Variants in NFIA observed in about 807,000 individuals in gnomAD.
NFIA encodes the protein nuclear factor 1 A-type.
Under a neutral mutation model 62.8 loss-of-function variants are expected in NFIA, and 8 were observed. The observed-to-expected ratio is 0.13, with a 90% confidence interval of 0.07 to 0.23. The LOEUF (loss-of-function observed/expected upper bound fraction) is 0.23. Ranked by LOEUF, NFIA falls within the 10% of genes least tolerant of loss-of-function variation. The pLI, the probability that NFIA is intolerant of heterozygous loss-of-function variation, is 1.00. For missense variants in NFIA, 410 were observed against 642.1 expected (o/e 0.64, Z 3.91); for synonymous variants, 235 against 238.1 (o/e 0.99, Z 0.12).
At chr1:61,205,585 C>T (rs1353019211) in intron 2 of NFIA, among the ~76,000 whole-genome samples, 1 of 152,114 alleles carries the variant, frequency 6.6e-6, no homozygotes, top group African/African-American at 2.4e-5. Context: ...TGGCGATGAT[C>T]TTGAGCAGTA....
chr1:61,264,381 C>T lies in NFIA; in HGVS notation c.560-13139C>T, dbSNP rs575771391. On this transcript the variant is annotated intron_variant, in intron 2 of 10. Transcript: ENST00000403491. ...GAATTTGACTGAGCGTGGTGACTCA[C>T]GCCTATAATCCCAGCGCTTCAGGAG... Among the ~76,000 whole-genome samples the T allele has an allele frequency of 1.4e-3, 206 of 152,174 alleles. 1 individual carries two copies. Among genetic ancestry groups the T allele is most frequent in the African/African-American group, 4.4e-3 (182 of 41,518 alleles).
At chr1:61,416,719 C>G (rs1277315127) in intron 9 of NFIA, among the ~76,000 whole-genome samples, 1 of 151,896 alleles carries the variant, frequency 6.6e-6, no homozygotes, top group East Asian at 1.9e-4. Context: ...TATGCATTAC[C>G]TTAGTTGCAT....
At chr1:61,213,643 G>T (rs2100606699) in intron 2 of NFIA, among the ~76,000 whole-genome samples, 1 of 152,262 alleles carries the variant, frequency 6.6e-6, no homozygotes. Context: ...TGTATGCAGA[G>T]TATTTATGAT....
intron 7 of NFIA, 165 bp from the exon 8 acceptor site, chr1:61,403,939 C>G: frequency 1.4e-6 from 1 of 714,546 alleles, no homozygotes; most frequent in South Asian, 2.2e-5. Flanking sequence ...TGTCTTAGAG[C>G]CTTAAGGAAG....
intron 9 of NFIA, among the ~76,000 whole-genome samples, chr1:61,412,950 T>C (rs779666649): frequency 6.6e-6 from 1 of 152,072 alleles, no homozygotes; most frequent in Non-Finnish European, 1.5e-5. Flanking sequence ...AAATGGACTT[T>C]TCCAGAAAAA....
At chr1:61,297,452 C>T (rs1343172192) in intron 3 of NFIA, among the ~76,000 whole-genome samples, 1 of 152,160 alleles carries the variant, frequency 6.6e-6, no homozygotes, top group Non-Finnish European at 1.5e-5. Context: ...GCCCCATTAC[C>T]TTCCTTGGAA....
At chr1:61,395,841 C>G (rs1390571292) in intron 7 of NFIA, among the ~76,000 whole-genome samples, 1 of 152,156 alleles carries the variant, frequency 6.6e-6, no homozygotes, top group African/African-American at 2.4e-5. Context: ...ATTACAGTCT[C>G]CCCAAAGCCA....
intron 2 of NFIA, among the ~76,000 whole-genome samples, chr1:61,109,844 A>G (rs1646665857): frequency 6.6e-6 from 1 of 152,006 alleles, no homozygotes; most frequent in African/African-American, 2.4e-5. Flanking sequence ...TCATACTATA[A>G]AAGTACCTTT....
rs563386055 is a variant in NFIA at position 61,385,459 on chromosome 1, G to T, written c.1075+2094G>T. Among the ~76,000 whole-genome samples, 10 of 152,116 alleles carry T rather than the reference G, an allele frequency of 6.6e-5. No individual in the cohort carries two copies. In the South Asian group the frequency reaches 2.1e-3, roughly 32 times the overall value. On this transcript the variant is annotated intron_variant, in intron 7 of 10. Coordinates refer to ENST00000403491, the MANE Select transcript of NFIA (RefSeq NM_001134673.4). ...TTTAATGTCCTCATCAATATAGTGG[G>T]TACAATACTAATAATGACCATTTCC...
rs79281477 is a variant in NFIA at position 61,404,875 on chromosome 1, T to C, written c.1254+593T>C. ...TTCAATAGCTTCACATGAATGTTTT[T>C]ATTTTTCCTCAAATAAACCAAATAA... On this transcript the variant is annotated intron_variant, in intron 8 of 10. Coordinates refer to ENST00000403491, the MANE Select transcript of NFIA (RefSeq NM_001134673.4). Among the ~76,000 whole-genome samples, 26 of 152,346 alleles carry C rather than the reference T, an allele frequency of 1.7e-4. No homozygotes were observed. In the East Asian group the frequency reaches 5.0e-3, roughly 29 times the overall value.
chr1:61,222,882 C>A (rs1265262843), intron 2 of NFIA, among the ~76,000 whole-genome samples: 1 of 151,868 alleles, frequency 6.6e-6, no homozygotes, highest in Non-Finnish European at 1.5e-5. Flanking sequence ...CAGTTTTATA[C>A]AAAGACTGAA....
At chr1:61,406,868 C>T (rs752731836) in intron 9 of NFIA, 141 bp downstream of exon 9, 3 of 1,019,852 alleles carry the variant, frequency 2.9e-6, no homozygotes, top group East Asian at 3.0e-5. Flanking sequence ...TTTGCCAGAC[C>T]GAGAATCAAA....
chr1:61,180,320 A>G (rs1650676537), intron 2 of NFIA, among the ~76,000 whole-genome samples: 1 of 152,192 alleles, frequency 6.6e-6, no homozygotes, highest in Admixed American at 6.5e-5. Flanking sequence ...ATCACTATGG[A>G]GCCTCTTTAT....
chr1:61,200,038 A>ATATATATATATG (rs1652343879), intron 2 of NFIA, among the ~76,000 whole-genome samples: 4 of 46,960 alleles, frequency 8.5e-5, no homozygotes, highest in African/African-American at 4.3e-4. Context: ...ATATATATAT[A>ATATATATATATG]TATATATATA....
chr1:61,311,217 C>A (rs371872100), intron 3 of NFIA, among the ~76,000 whole-genome samples: 2 of 152,052 alleles, frequency 1.3e-5, no homozygotes, highest in African/African-American at 2.4e-5. Flanking sequence ...CATGGAGAAA[C>A]CCCATCTCTA....
At position 61,175,256 on chromosome 1, in the gene NFIA, C is replaced by T. The variant is rs566980185; in HGVS notation, c.559+86576C>T. ...TCCCAGGCTCAAGTGATTCTCTTGC[C>T]TCAGTCTTTTGAGTAGCTGGGACTA... On this transcript the variant is annotated intron_variant, in intron 2 of 10. Transcript: ENST00000403491. Among the ~76,000 whole-genome samples the T allele has an allele frequency of 1.4e-4, 21 of 152,046 alleles. 1 individual carries two copies. Among genetic ancestry groups the T allele is most frequent in the Admixed American group, 8.5e-4 (13 of 15,280 alleles).
At chr1:61,428,141 A>AT (rs1320592830) in intron 10 of NFIA, among the ~76,000 whole-genome samples, 3 of 152,126 alleles carry the variant, frequency 2.0e-5, no homozygotes, top group Admixed American at 2.0e-4. Flanking sequence ...TTTACATAGT[A>AT]TTTTTTATAT....
At chr1:61,316,193 A>G (rs1660358450) in intron 3 of NFIA, among the ~76,000 whole-genome samples, 2 of 152,192 alleles carry the variant, frequency 1.3e-5, no homozygotes, top group African/African-American at 4.8e-5. Context: ...TTTAAAATCA[A>G]GTTCTCACTA....
chr1:61,436,020 C>A (rs921535340), intron 10 of NFIA, among the ~76,000 whole-genome samples: 2 of 152,062 alleles, frequency 1.3e-5, no homozygotes, highest in African/African-American at 4.8e-5. Flanking sequence ...GTTTGAGGTC[C>A]AGGATTTGGG....
Sources: gnomAD v4.1 joint callset for allele counts (sites outside exome capture counted in the v4.1 genomes callset) on GRCh38, gnomAD v4.1.1 for gene constraint, MANE v1.5 for transcripts, NCBI Gene and HGNC (gene_info 2026-07-23, HGNC 2026-07-21) for gene names.